Variants in UBA2 observed in about 807,000 individuals in gnomAD.
UBA2 encodes ubiquitin like modifier activating enzyme 2, also known as SUMO-activating enzyme subunit 2.
Under a neutral mutation model 77.2 loss-of-function variants are expected in UBA2, and 11 were observed. The observed-to-expected ratio is 0.14, with a 90% CI of 0.09 to 0.24. UBA2 has a LOEUF of 0.24. Among genes scored for constraint, UBA2 ranks in the 10% least tolerant of loss-of-function variants. The pLI, the probability that UBA2 is intolerant of heterozygous loss-of-function variation, is 1.00. For synonymous variants in UBA2, 278 were observed against 276.7 expected (o/e 1.00, Z -0.05); for missense variants, 487 against 781.7 (o/e 0.62, Z 4.50).
rs1332148865 is a variant in UBA2, at chr19:34,469,854, A to G, written c.*633A>G. 1 of 152,598 alleles carries G rather than the reference A, an allele frequency of 6.6e-6. No individual in the cohort carries two copies. Among genetic ancestry groups the G allele is most frequent in the Admixed American group, 6.5e-5 (1 of 15,268 alleles). The allele number at this position is 152,598 out of a possible 1,614,324, so 9.5% of individuals were successfully genotyped here. On this transcript the variant is annotated 3_prime_UTR_variant, in exon 17 of 17. Transcript: ENST00000246548. ...TTTGTAAAACTCAAATAACGACTAT[A>G]CTTATGGACCAAATAAATGGCATCT... is the stretch of plus-strand genomic sequence containing the variant.
chr19:34,449,776 G>A lies in UBA2; in HGVS notation c.772-489G>A, dbSNP rs73584613. Reference sequence around the variant, plus strand: ...GGGGAGGGCACATTTTAAAGATATCGCAGTTCAGAAGTTCTGTTGTGAAGC... The same window carrying A: ...GGGGAGGGCACATTTTAAAGATATCACAGTTCAGAAGTTCTGTTGTGAAGC... On this transcript the variant is annotated intron_variant, in intron 8 of 16. Coordinates refer to ENST00000246548, the MANE Select transcript of UBA2 (RefSeq NM_005499.3). 6.7e-3 allele frequency among the ~76,000 whole-genome samples: 1,019 copies of A among 152,150 alleles called. 14 individuals are homozygous for A. Among genetic ancestry groups the A allele is most frequent in the African/African-American group, 0.023 (975 of 41,508 alleles).
At chr19:34,446,608 C>CTTTTTTTTTTTTTTTTTTTT (rs764109454) in intron 8 of UBA2, among the ~76,000 whole-genome samples, 2 of 145,152 alleles carry the variant, frequency 1.4e-5, no homozygotes, top group Admixed American at 7.0e-5. Flanking sequence ...TTTTTTTTTT[C>CTTTTTTTTTTTTTTTTTTTT]TTTCTTTTTT....
At position 34,457,179 on chromosome 19, in the gene UBA2, A is replaced by AAATATATATATATAT. The variant is rs1262007864; in HGVS notation, c.1246-1589_1246-1588insATATATATATATATA. Among the ~76,000 whole-genome samples the AAATATATATATATAT allele has an allele frequency of 9.4e-5, 5 of 53,222 alleles. 1 individual carries two copies. The highest frequency in any genetic ancestry group is 1.1e-3 in the South Asian group (1 of 936). 34.9% of individuals were successfully genotyped at this position (53,222 alleles called of 152,430 possible). ...CCTGGTCTCTACTAAAAAAAAAAAA[A>AAATATATATATATAT]ATATATATATATATATATATATATA... is the stretch of plus-strand genomic sequence containing the variant. On this transcript the variant is annotated intron_variant, in intron 12 of 16. Coordinates refer to ENST00000246548, the MANE Select transcript of UBA2 (RefSeq NM_005499.3).
chr19:34,448,604 T>C (rs1158245634), intron 8 of UBA2, among the ~76,000 whole-genome samples: 1 of 152,046 alleles, frequency 6.6e-6, no homozygotes, highest in Non-Finnish European at 1.5e-5. Flanking sequence ...TGTTCTCCGA[T>C]ATAAGTGAGC....
chr19:34,468,756 G>A (rs1434565037), intron 16 of UBA2, among the ~76,000 whole-genome samples: 1 of 152,188 alleles, frequency 6.6e-6, no homozygotes, highest in African/African-American at 2.4e-5. Context: ...TGTACCCTCT[G>A]CTTTTCTATT....
At position 34,443,074 on chromosome 19, in the gene UBA2, C is replaced by G. The variant is rs373522401; in HGVS notation, c.582-770C>G. Among the ~76,000 whole-genome samples the G allele has an allele frequency of 3.1e-3, 471 of 152,292 alleles. 3 individuals are homozygous for G. The highest frequency in any genetic ancestry group is 0.011 in the South Asian group (53 of 4,822). ...AATACTTTCAAATTGTTTGTTAACA[C>G]TCTGTTCAGCAGTAAAGAGCCATTC... On this transcript the variant is annotated intron_variant, in intron 6 of 16. Coordinates refer to ENST00000246548, the MANE Select transcript of UBA2 (RefSeq NM_005499.3).
intron 5 of UBA2, among the ~76,000 whole-genome samples, chr19:34,437,618 GAAA>G (rs2075323843): frequency 2.0e-5 from 3 of 151,708 alleles, no homozygotes; most frequent in African/African-American, 7.3e-5. Flanking sequence ...CAGACAAAAA[GAAA>G]AAAAGAAGAG....
rs765924922 is a variant in UBA2 at position 34,464,144 on chromosome 19, A to G, written c.1604+13A>G. ...ACATCCTTCATAGGTAAGAGCTATTAGTATTTTAATTGTAAGAAATTATTT... is the reference window on the plus strand; with the variant it reads ...ACATCCTTCATAGGTAAGAGCTATTGGTATTTTAATTGTAAGAAATTATTT... On this transcript the variant is annotated intron_variant, in intron 15 of 16. Coordinates refer to ENST00000246548, the MANE Select transcript of UBA2 (RefSeq NM_005499.3). 1 of 1,495,312 alleles carries G rather than the reference A, an allele frequency of 6.7e-7. No homozygotes were observed. The highest frequency in any genetic ancestry group is 9.3e-7 in the Non-Finnish European group (1 of 1,076,384). 92.6% of individuals were successfully genotyped at this position (1,495,312 alleles called of 1,614,324 possible). A position where few individuals can be genotyped will look rare whatever the true frequency, so the allele number is the denominator to read the frequency against.
chr19:34,442,172 C>A (rs1287633677), intron 6 of UBA2, among the ~76,000 whole-genome samples: 1 of 152,062 alleles, frequency 6.6e-6, no homozygotes, highest in Non-Finnish European at 1.5e-5. Context: ...GAGGTCGAGG[C>A]TGCAGTGAGC....
At chr19:34,440,891 G>A (rs1210013377) in intron 6 of UBA2, among the ~76,000 whole-genome samples, 4 of 140,828 alleles carry the variant, frequency 2.8e-5, no homozygotes, top group African/African-American at 2.7e-5. Context: ...GCTCTGCTGC[G>A]CTCCAGCCTG....
intron 6 of UBA2, among the ~76,000 whole-genome samples, chr19:34,442,232 C>G (rs1381499164): frequency 6.6e-6 from 1 of 152,062 alleles, no homozygotes; most frequent in African/African-American, 2.4e-5. Flanking sequence ...GACCCTGTCA[C>G]ACACACAAAA....
intron 6 of UBA2, among the ~76,000 whole-genome samples, chr19:34,442,656 C>T (rs986024012): frequency 1.1e-4 from 17 of 152,064 alleles, no homozygotes; most frequent in Non-Finnish European, 1.9e-4. Context: ...GTCTCAAACT[C>T]CTGACTTCGG....
At chr19:34,454,182 A>T (rs887633500) in intron 10 of UBA2, 78 bp from the exon 11 acceptor site, 4 of 1,255,344 alleles carry the variant, frequency 3.2e-6, no homozygotes, top group African/African-American at 1.5e-5. Flanking sequence ...TAAACACGTG[A>T]AAGTATTGTT....
At chr19:34,445,262 A>G (rs1755579209) in intron 8 of UBA2, 141 bp downstream of exon 8, 1 of 803,240 alleles carries the variant, frequency 1.2e-6, no homozygotes, top group African/African-American at 1.8e-5. Context: ...TAATAAAATG[A>G]TTGATGCAGT....
intron 12 of UBA2, among the ~76,000 whole-genome samples, chr19:34,457,539 C>T (rs373992899): frequency 6.6e-6 from 1 of 152,170 alleles, no homozygotes; most frequent in Non-Finnish European, 1.5e-5. Flanking sequence ...ACAAATCTTT[C>T]TCCCTCTGTA....
At chr19:34,429,520 GTTTCC>G (rs1486775965) in intron 1 of UBA2, among the ~76,000 whole-genome samples, 1 of 152,136 alleles carries the variant, frequency 6.6e-6, no homozygotes. Flanking sequence ...ATGTGTAAAA[GTTTCC>G]TTTCACAGTT....
At chr19:34,459,454 G>A (rs2075607312) in intron 13 of UBA2, among the ~76,000 whole-genome samples, 1 of 152,114 alleles carries the variant, frequency 6.6e-6, no homozygotes, top group Admixed American at 6.5e-5. Flanking sequence ...GGTCTGAGTT[G>A]AGGCTAAGTG....
chr19:34,467,425 A>G (rs370428515), intron 16 of UBA2, among the ~76,000 whole-genome samples: 1 of 150,684 alleles, frequency 6.6e-6, no homozygotes, highest in East Asian at 2.0e-4. Context: ...CCATGATTGC[A>G]CCACTGCACT....
chr19:34,469,045 G>T lies in UBA2; in HGVS notation c.1747G>T (p.Glu583Ter). ...TCCCTTTTTTCTGAAATAAGCTCAAGAGCAAGATGACGTTCTCATAGTTGA... is the reference window on the plus strand; with the variant it reads ...TCCCTTTTTTCTGAAATAAGCTCAATAGCAAGATGACGTTCTCATAGTTGA... ...GAQPSTSTAQ[E>*]QDDVLIVDSD... The change falls in exon 17 of 17, where the codon GAG becomes TAG. Residue 583 changes from glutamate (E) to a stop codon, truncating the protein, a stop_gained. Coordinates refer to ENST00000246548, the MANE Select transcript of UBA2 (RefSeq NM_005499.3). LOFTEE classifies it high-confidence loss of function. 6.2e-7 allele frequency: 1 copy of T among 1,603,298 alleles called. No individual in the cohort carries two copies. Among genetic ancestry groups the T allele is most frequent in the South Asian group, 1.1e-5 (1 of 88,960 alleles).
Sources: gnomAD v4.1 joint callset for allele counts (sites outside exome capture counted in the v4.1 genomes callset) on GRCh38, gnomAD v4.1.1 for gene constraint, MANE v1.5 for transcripts, NCBI Gene and HGNC (gene_info 2026-07-23, HGNC 2026-07-21) for gene names.